C12orf42: variants seen among roughly 807,000 people sequenced by gnomAD.
The protein encoded by C12orf42 is chromosome 12 open reading frame 42, also known as uncharacterized protein C12orf42.
C12orf42 carries 25 observed loss-of-function variants against 21.6 expected under a neutral mutation model. The ratio of observed to expected loss-of-function variants is 1.16; its 90% CI spans 0.84 to 1.62. The LOEUF is 1.62. Among genes scored for constraint, C12orf42 ranks in the 40% most tolerant of loss-of-function variants. The probability of loss-of-function intolerance (pLI) is 0.00; values close to 1 mark genes in which losing one functional copy is unlikely to be tolerated. For missense variants in C12orf42, 483 were observed against 459.3 expected (o/e 1.05, Z -0.47); for synonymous variants, 174 against 175.0 (o/e 0.99, Z 0.05).
At chr12:103,448,356 G>A (rs1321456921) in intron 2 of C12orf42, among the ~76,000 whole-genome samples, 2 of 151,948 alleles carry the variant, frequency 1.3e-5, no homozygotes, top group African/African-American at 2.4e-5. Flanking sequence ...GACAACATTG[G>A]AAAAATCCTT....
intron 2 of C12orf42, among the ~76,000 whole-genome samples, chr12:103,452,562 A>C (rs886845684): frequency 6.6e-6 from 1 of 152,160 alleles, no homozygotes; most frequent in Non-Finnish European, 1.5e-5. Flanking sequence ...TGCTACTATA[A>C]AGACACATGT....
At chr12:103,234,525 A>T (rs1021461844), downstream of C12orf42, among the ~76,000 whole-genome samples, 23 of 152,148 alleles carry the variant, frequency 1.5e-4, no homozygotes, top group Admixed American at 1.4e-3. Context: ...TGCCTACTCC[A>T]TTGGTACACA....
intron 10 of C12orf42, among the ~76,000 whole-genome samples, chr12:103,256,940 A>C (rs2034645854): frequency 1.3e-5 from 2 of 152,198 alleles, no homozygotes; most frequent in African/African-American, 2.4e-5. Flanking sequence ...ACTTTTAATA[A>C]TAGCTATTCT....
At chr12:103,048,921 C>A in the C12orf42 span, among the ~76,000 whole-genome samples, 1 of 152,164 alleles carries the variant, frequency 6.6e-6, no homozygotes, top group East Asian at 1.9e-4. Flanking sequence ...TTCTCACTAA[C>A]CTTCTTTATC....
At chr12:103,182,236 T>C in the C12orf42 span, among the ~76,000 whole-genome samples, 10 of 152,254 alleles carry the variant, frequency 6.6e-5, no homozygotes, top group South Asian at 1.7e-3. Flanking sequence ...CTTACTTCCA[T>C]TTTGTGTTCT....
the C12orf42 span, among the ~76,000 whole-genome samples, chr12:103,189,594 G>T: frequency 6.6e-6 from 1 of 152,154 alleles, no homozygotes; most frequent in Non-Finnish European, 1.5e-5. Context: ...GTAGGCCTGG[G>T]GTAGGCCTGA....
At chr12:103,081,704 T>C in the C12orf42 span, among the ~76,000 whole-genome samples, 4 of 152,320 alleles carry the variant, frequency 2.6e-5, no homozygotes, top group African/African-American at 9.6e-5. Flanking sequence ...TAGCTTTCAA[T>C]GTTGCTTTTG....
chr12:103,477,573 C>A (rs543799667), intron 2 of C12orf42, among the ~76,000 whole-genome samples: 5 of 151,946 alleles, frequency 3.3e-5, no homozygotes, highest in African/African-American at 1.2e-4. Context: ...ATAATATAAT[C>A]CAATATAATG....
chr12:103,378,206 A>G (rs1323495391), intron 3 of C12orf42, among the ~76,000 whole-genome samples: 1 of 152,140 alleles, frequency 6.6e-6, no homozygotes, highest in African/African-American at 2.4e-5. Flanking sequence ...TTTCACCACT[A>G]ATTTTACAGA....
chr12:103,076,230 A>C, the C12orf42 span, among the ~76,000 whole-genome samples: 4 of 152,030 alleles, frequency 2.6e-5, no homozygotes, highest in Non-Finnish European at 4.4e-5. Context: ...CTTAAAGTAT[A>C]ATGATAATAA....
the C12orf42 span, among the ~76,000 whole-genome samples, chr12:103,523,742 A>C: frequency 6.6e-6 from 1 of 151,538 alleles, no homozygotes; most frequent in Non-Finnish European, 1.5e-5. Flanking sequence ...AGCTTTTGGA[A>C]TATGAGGATC....
intron 10 of C12orf42, among the ~76,000 whole-genome samples, chr12:103,250,452 A>G (rs994447142): frequency 1.3e-5 from 2 of 152,106 alleles, no homozygotes; most frequent in Admixed American, 6.6e-5. Context: ...TACAATTGGT[A>G]TAGCTTCGAA....
intron 10 of C12orf42, among the ~76,000 whole-genome samples, chr12:103,261,389 G>A (rs1226701855): frequency 2.0e-5 from 3 of 151,492 alleles, no homozygotes; most frequent in Admixed American, 2.0e-4. Context: ...GGCTAAGGCA[G>A]GAGGATCACC....
chr12:103,453,680 G>A (rs1319086800), intron 2 of C12orf42, among the ~76,000 whole-genome samples: 13 of 151,772 alleles, frequency 8.6e-5, no homozygotes, highest in South Asian at 2.1e-4. Flanking sequence ...CTGTTTCCTC[G>A]GATGTAAATT....
chr12:103,083,972 G>A, the C12orf42 span, among the ~76,000 whole-genome samples: 3 of 152,192 alleles, frequency 2.0e-5, no homozygotes, highest in African/African-American at 7.2e-5. Flanking sequence ...AATGTGATTA[G>A]CAGACTGCTT....
the C12orf42 span, among the ~76,000 whole-genome samples, chr12:103,227,904 T>C: frequency 6.6e-6 from 1 of 151,906 alleles, no homozygotes; most frequent in Non-Finnish European, 1.5e-5. Context: ...AAGGAGAAAG[T>C]GGTTGAGGGA....
chr12:103,181,327 T>C, the C12orf42 span, among the ~76,000 whole-genome samples: 1 of 151,926 alleles, frequency 6.6e-6, no homozygotes, highest in Non-Finnish European at 1.5e-5. Flanking sequence ...GATCTGAGAT[T>C]GAATTAGGAA....
downstream of C12orf42, among the ~76,000 whole-genome samples, chr12:103,233,349 T>A (rs2033364935): frequency 1.3e-5 from 2 of 152,184 alleles, no homozygotes; most frequent in Non-Finnish European, 2.9e-5. Context: ...AGTTTGCCAA[T>A]ATCCACAAAA....
intron 4 of C12orf42, among the ~76,000 whole-genome samples, chr12:103,367,059 A>G (rs763064866): frequency 2.0e-5 from 3 of 152,136 alleles, no homozygotes; most frequent in Non-Finnish European, 4.4e-5. Context: ...CCAAATGTCC[A>G]TCAATCAACG....
Sources: allele counts gnomAD v4.1 joint callset (sites outside exome capture counted in the v4.1 genomes callset), GRCh38; gene constraint gnomAD v4.1.1; transcripts MANE v1.5; gene names NCBI Gene and HGNC (gene_info 2026-07-23, HGNC 2026-07-21).